The following SLC5A4 variants were observed in gnomAD, a reference collection of about 807,000 sequenced individuals.
SLC5A4 encodes the protein solute carrier family 5 member 4.
A neutral mutation model predicts 70.3 loss-of-function variants in SLC5A4; 55 were observed. The ratio of observed to expected loss-of-function variants is 0.78; its 90% confidence interval spans 0.63 to 0.98. The LOEUF is 0.98. SLC5A4 is among the 50% of genes least tolerant of loss of function. SLC5A4 has a pLI of 0.00. For missense variants in SLC5A4, 735 were observed against 839.2 expected (o/e 0.88, Z 1.53); for synonymous variants, 268 against 305.7 (o/e 0.88, Z 1.29).
chr22:32,308,843 T>A, the SLC5A4 span, among the ~76,000 whole-genome samples: 3 of 152,048 alleles, frequency 2.0e-5, no homozygotes, highest in African/African-American at 7.2e-5. Flanking sequence ...CACCCATGTA[T>A]GCATATGTAT....
the SLC5A4 span, among the ~76,000 whole-genome samples, chr22:32,322,421 C>T: frequency 3.3e-5 from 5 of 152,092 alleles, no homozygotes; most frequent in East Asian, 1.9e-4. Flanking sequence ...CCCATCTCTA[C>T]TAAAAATACA....
chr22:32,351,432 G>A, the SLC5A4 span, among the ~76,000 whole-genome samples: 1 of 151,652 alleles, frequency 6.6e-6, no homozygotes, highest in Non-Finnish European at 1.5e-5. Flanking sequence ...GGGCCGGCGA[G>A]GTGGCTCACG....
At chr22:32,340,171 G>T in the SLC5A4 span, among the ~76,000 whole-genome samples, 1 of 152,132 alleles carries the variant, frequency 6.6e-6, no homozygotes, top group Admixed American at 6.5e-5. Flanking sequence ...ATAAAATGAG[G>T]CTCGGGATGG....
the SLC5A4 span, among the ~76,000 whole-genome samples, chr22:32,345,280 T>C: frequency 8.5e-4 from 130 of 152,266 alleles, 2 homozygotes; most frequent in African/African-American, 3.1e-3. Context: ...AAAAGATTAA[T>C]TAATAAAGCC....
chr22:32,232,775 T>G lies in SLC5A4; in HGVS notation c.1021+124A>C. 5.5e-6 allele frequency: 7 copies of G among 1,262,722 alleles called. No individual in the cohort carries two copies. The South Asian group carries it at 9.1e-5, about 16-fold the overall frequency. The allele number at this position is 1,262,722 out of a possible 1,614,324, so 78.2% of individuals were successfully genotyped here. A position where few individuals can be genotyped will look rare whatever the true frequency, so the allele number is the denominator to read the frequency against. On this transcript the variant is annotated intron_variant, in intron 9 of 14. Coordinates refer to ENST00000266086, the MANE Select transcript of SLC5A4 (RefSeq NM_014227.3). The stretch of plus-strand genomic sequence containing the variant: ...TTTGACCACTGTGCAGGCTGCTCCC[T>G]CCACCTGGAAGTCTGCTTTTACTTC...
the SLC5A4 span, among the ~76,000 whole-genome samples, chr22:32,303,030 ATTT>A: frequency 1.3e-5 from 2 of 148,300 alleles, no homozygotes; most frequent in African/African-American, 2.4e-5. Flanking sequence ...TTGTTTACTT[ATTT>A]TTTTTCTTTT....
chr22:32,318,523 C>A, the SLC5A4 span, among the ~76,000 whole-genome samples: 6 of 152,292 alleles, frequency 3.9e-5, 1 homozygote, highest in African/African-American at 1.4e-4. Context: ...TTTGACCCCT[C>A]TTTTCCTCTC....
intron 10 of SLC5A4, 77 bp from the exon 11 acceptor site, chr22:32,229,421 A>G: frequency 6.8e-7 from 1 of 1,478,602 alleles, no homozygotes; most frequent in Non-Finnish European, 9.3e-7. Context: ...TTGAAAGGTT[A>G]AAAGTATCAT....
At chr22:32,270,405 C>G in the SLC5A4 span, 1 of 1,454,388 alleles carries the variant, frequency 6.9e-7, no homozygotes, top group African/African-American at 1.4e-5. Flanking sequence ...CCGGCTGCTA[C>G]GACATGTGGA....
chr22:32,289,608 A>G, the SLC5A4 span, among the ~76,000 whole-genome samples: 5 of 152,332 alleles, frequency 3.3e-5, no homozygotes, highest in East Asian at 7.7e-4. Context: ...AGCTGGGATT[A>G]CAGGCGTGTG....
the SLC5A4 span, among the ~76,000 whole-genome samples, chr22:32,297,285 G>A: frequency 1.3e-5 from 2 of 148,466 alleles, no homozygotes; most frequent in African/African-American, 4.9e-5. Context: ...TCTGGTCCTG[G>A]ACTCTTTTTG....
chr22:32,330,966 GGGGC>G, the SLC5A4 span, among the ~76,000 whole-genome samples: 5 of 6,094 alleles, frequency 8.2e-4, no homozygotes, highest in Admixed American at 1.7e-3. Context: ...GTGTGTGTTG[GGGGC>G]ACTGGTGTGT....
the SLC5A4 span, among the ~76,000 whole-genome samples, chr22:32,291,812 T>C: frequency 1.3e-5 from 2 of 150,028 alleles, no homozygotes; most frequent in Non-Finnish European, 3.0e-5. Flanking sequence ...GAAATTTTTA[T>C]ATTTTATATA....
the SLC5A4 span, chr22:32,273,209 A>G: frequency 2.8e-5 from 10 of 354,628 alleles, no homozygotes; most frequent in Non-Finnish European, 5.6e-5. Flanking sequence ...ACCATCTGAT[A>G]CTATGTATCA....
At chr22:32,302,900 A>C in the SLC5A4 span, among the ~76,000 whole-genome samples, 1 of 152,264 alleles carries the variant, frequency 6.6e-6, no homozygotes, top group Admixed American at 6.5e-5. Context: ...GATAACTGAC[A>C]TCAATCTGAT....
At chr22:32,332,696 C>T in the SLC5A4 span, among the ~76,000 whole-genome samples, 25 of 152,226 alleles carry the variant, frequency 1.6e-4, no homozygotes, top group African/African-American at 5.5e-4. Flanking sequence ...GCCTTCCTGT[C>T]GCTTTACCCT....
At chr22:32,316,574 G>T in the SLC5A4 span, among the ~76,000 whole-genome samples, 1 of 152,002 alleles carries the variant, frequency 6.6e-6, no homozygotes, top group Non-Finnish European at 1.5e-5. Context: ...CTGTTGCCCA[G>T]GCTGGAGTGC....
chr22:32,239,082 T>TA lies in SLC5A4; in HGVS notation c.485dup (p.Phe163IlefsTer62). 1 of 1,613,016 alleles carries TA rather than the reference T, an allele frequency of 6.2e-7. No individual in the cohort carries two copies. Among genetic ancestry groups the TA allele is most frequent in the Non-Finnish European group, 8.5e-7 (1 of 1,179,144 alleles). ...GCTTGATGAATATGGCTCCAGCAAA[T>TA]ATGTCTGCCTAAAAAGGGAACAGTC... On this transcript the variant is annotated frameshift_variant, in exon 6 of 15. Coordinates refer to ENST00000266086, the MANE Select transcript of SLC5A4 (RefSeq NM_014227.3). LOFTEE classifies it high-confidence loss of function.
At chr22:32,288,738 G>T in the SLC5A4 span, among the ~76,000 whole-genome samples, 5 of 152,028 alleles carry the variant, frequency 3.3e-5, no homozygotes, top group African/African-American at 1.2e-4. Flanking sequence ...TAGAGACAGG[G>T]TTTCTCCTTG....
Sources: gnomAD v4.1 joint callset for allele counts (sites outside exome capture counted in the v4.1 genomes callset) on GRCh38, gnomAD v4.1.1 for gene constraint, MANE v1.5 for transcripts, NCBI Gene and HGNC (gene_info 2026-07-23, HGNC 2026-07-21) for gene names.